The following FLT1 variants were observed in gnomAD, a reference collection of about 807,000 sequenced individuals.
The protein encoded by FLT1 is vascular endothelial growth factor receptor 1.
In FLT1, 49 loss-of-function variants were observed where a neutral mutation model predicts 156.3. The ratio of observed to expected loss-of-function variants is 0.31; its 90% confidence interval spans 0.25 to 0.40. The LOEUF (loss-of-function observed/expected upper bound fraction) is 0.40. FLT1 is among the 10% of genes least tolerant of loss of function. The pLI, the probability that FLT1 is intolerant of heterozygous loss-of-function variation, is 1.00. For synonymous variants in FLT1, 594 were observed against 583.8 expected, an observed-to-expected ratio of 1.02 and a Z score of -0.25; for missense variants, 1,322 against 1,637.2, an observed-to-expected ratio of 0.81 and a Z score of 3.32.
At chr13:28,418,263 C>T (rs760428579) in intron 10 of FLT1, among the ~76,000 whole-genome samples, 25 of 152,230 alleles carry the variant, frequency 1.6e-4, no homozygotes, top group Non-Finnish European at 3.1e-4. Context: ...ATCTGGGGCC[C>T]AAGACAGCTG....
At chr13:28,349,864 A>AT (rs1872687578) in intron 15 of FLT1, among the ~76,000 whole-genome samples, 1 of 152,238 alleles carries the variant, frequency 6.6e-6, no homozygotes, top group Non-Finnish European at 1.5e-5. Context: ...TCTATTTAAT[A>AT]TTAATAATGT....
intron 3 of FLT1, among the ~76,000 whole-genome samples, chr13:28,447,826 A>G (rs1009578864): frequency 6.6e-6 from 1 of 150,546 alleles, no homozygotes; most frequent in African/African-American, 2.4e-5. Context: ...TATATTATGT[A>G]TCTATATATT....
At chr13:28,458,084 G>A (rs921796295) in intron 3 of FLT1, among the ~76,000 whole-genome samples, 1 of 151,768 alleles carries the variant, frequency 6.6e-6, no homozygotes, top group South Asian at 2.1e-4. Context: ...ATACACATGC[G>A]CCATCACACC....
At chr13:28,419,588 A>T (rs1472793727) in intron 10 of FLT1, among the ~76,000 whole-genome samples, 2 of 152,174 alleles carry the variant, frequency 1.3e-5, no homozygotes, top group African/African-American at 4.8e-5. Flanking sequence ...CACTATAAAA[A>T]CCATCCAGCG....
intron 27 of FLT1, 130 bp downstream of exon 27, chr13:28,311,460 T>TTCTTTCTTTCTC: frequency 1.2e-6 from 1 of 838,142 alleles, no homozygotes; most frequent in Non-Finnish European, 1.8e-6. Context: ...TAATCTTTCT[T>TTCTTTCTTTCTC]TCTTTCTTTC....
chr13:28,431,188 A>G lies in FLT1; in HGVS notation c.936T>C (p.Arg312=), dbSNP rs1212510702. The G allele has an allele frequency of 6.2e-7, 1 of 1,613,894 alleles. No homozygotes were observed. The highest frequency in any genetic ancestry group is 8.5e-7 in the Non-Finnish European group (1 of 1,179,756). The stretch of plus-strand genomic sequence containing the variant: ...ATTTGAATGATGGTCCACTCCTTAC[A>G]CGACAAGTATAAAGTCCTTTGTCTT... ...QNKDKGLYTC[R]VRSGPSFKSV... is the part of the protein sequence containing the mutation. The change falls in exon 7 of 30, where the codon CGT becomes CGC. Residue 312 remains arginine (R), a synonymous_variant. Coordinates refer to ENST00000282397, the MANE Select transcript of FLT1 (RefSeq NM_002019.4).
chr13:28,477,169 CT>C (rs1880595620), intron 1 of FLT1, among the ~76,000 whole-genome samples: 1 of 152,282 alleles, frequency 6.6e-6, no homozygotes, highest in South Asian at 2.1e-4. Flanking sequence ...CCTCTCTGAG[CT>C]TTTTACTTGA....
At chr13:28,400,893 G>A (rs1486864571) in intron 11 of FLT1, among the ~76,000 whole-genome samples, 2 of 152,138 alleles carry the variant, frequency 1.3e-5, no homozygotes, top group Admixed American at 6.5e-5. Flanking sequence ...AAATGAAAGA[G>A]GACTGAGGAA....
At position 28,322,394 on chromosome 13, in the gene FLT1, G is replaced by T; in HGVS notation, c.2954-35C>A. 1.5e-6 allele frequency: 2 copies of T among 1,343,538 alleles called. No individual in the cohort carries two copies. The highest frequency in any genetic ancestry group is 1.2e-5 in the South Asian group (1 of 85,654). The allele number at this position is 1,343,538 out of a possible 1,614,324, so 83.2% of individuals were successfully genotyped here. A position where few individuals can be genotyped will look rare whatever the true frequency, so the allele number is the denominator to read the frequency against. ...ATTAGAACCGTAACTGTTTGTAATGGCTCTTGTTATCCCACCAAATCCCAG... is the reference window on the plus strand; with the variant it reads ...ATTAGAACCGTAACTGTTTGTAATGTCTCTTGTTATCCCACCAAATCCCAG... On this transcript the variant is annotated intron_variant, in intron 21 of 29. Transcript: ENST00000282397. This position sits in a 1 kb window ranked among gnomAD's most constrained non-coding sequence, Gnocchi z 4.3.
intron 17 of FLT1, 112 bp downstream of exon 17, chr13:28,339,056 C>T: frequency 2.1e-6 from 2 of 943,894 alleles, no homozygotes; most frequent in Non-Finnish European, 1.6e-6. Flanking sequence ...CTGTGAGCAG[C>T]TGGAGGGTAG....
intron 1 of FLT1, among the ~76,000 whole-genome samples, chr13:28,473,818 GAAAGA>G (rs1880376647): frequency 7.9e-6 from 1 of 126,246 alleles, no homozygotes; most frequent in Admixed American, 8.3e-5. Flanking sequence ...AAGAAAGAAA[GAAAGA>G]AAGAAAGAAA....
intron 24 of FLT1, among the ~76,000 whole-genome samples, chr13:28,317,967 G>GT (rs5802474): frequency 0.67 from 101,330 of 151,474 alleles, 36,276 homozygotes; most frequent in East Asian, 0.94. Context: ...GTGAGCTTTT[G>GT]TTTTTTTTGA....
chr13:28,372,065 TA>T (rs1873609680), intron 14 of FLT1, among the ~76,000 whole-genome samples: 17 of 25,594 alleles, frequency 6.6e-4, no homozygotes, highest in Non-Finnish European at 1.4e-3. Context: ...TATATATATA[TA>T]TATATATATA....
rs1391409913 is a variant in FLT1, at chr13:28,365,190, T to A, written c.2117-7505A>T. Among the ~76,000 whole-genome samples the A allele has an allele frequency of 2.0e-5, 3 of 152,344 alleles. 1 individual carries two copies. Among genetic ancestry groups the A allele is most frequent in the Admixed American group, 2.0e-4 (3 of 15,310 alleles). On this transcript the variant is annotated intron_variant, in intron 14 of 29. Transcript: ENST00000282397. ...TTTCTTTTATGTCATTTAATAGTTT[T>A]ATGATTTTCTCTTTAAATATCATGC...
chr13:28,474,932 A>G, intron 1 of FLT1, among the ~76,000 whole-genome samples: 1 of 152,222 alleles, frequency 6.6e-6, no homozygotes, highest in Non-Finnish European at 1.5e-5. Flanking sequence ...AGTTATGTTG[A>G]AGGCCTAGAA....
Position 28,340,907 on chromosome 13 carries a change from G to A in FLT1, c.2356-1607C>T, listed in dbSNP as rs550278993. Among the ~76,000 whole-genome samples, 4 of 152,300 alleles carry A rather than the reference G, an allele frequency of 2.6e-5. No homozygotes were observed. The South Asian group carries it at 8.3e-4, about 32-fold the overall frequency. Reference sequence around the variant, plus strand: ...CATTGGGTTAGACTATGAGGGCCCGGCCTGCCAGACACTCTGTGAAGAGTA... The same window carrying A: ...CATTGGGTTAGACTATGAGGGCCCGACCTGCCAGACACTCTGTGAAGAGTA... On this transcript the variant is annotated intron_variant, in intron 16 of 29. Coordinates refer to ENST00000282397, the MANE Select transcript of FLT1 (RefSeq NM_002019.4).
At chr13:28,341,497 AG>A (rs142569957) in intron 16 of FLT1, among the ~76,000 whole-genome samples, 1,562 of 152,302 alleles carry the variant, frequency 0.01, 28 homozygotes, top group African/African-American at 0.036. Context: ...CTTATCTCAT[AG>A]GGTTGTTGTG....
chr13:28,456,763 T>A (rs1566038114), intron 3 of FLT1, among the ~76,000 whole-genome samples: 1 of 149,810 alleles, frequency 6.7e-6, no homozygotes, highest in Non-Finnish European at 1.5e-5. Context: ...ACCACTGCCC[T>A]CCAGCCTGGG....
intron 10 of FLT1, among the ~76,000 whole-genome samples, chr13:28,407,316 G>A (rs965016799): frequency 4.6e-5 from 7 of 151,774 alleles, no homozygotes; most frequent in South Asian, 2.1e-4. Flanking sequence ...CCATATACCC[G>A]CCACCCAGAT....
Sources: allele counts gnomAD v4.1 joint callset (sites outside exome capture counted in the v4.1 genomes callset), GRCh38; gene constraint gnomAD v4.1.1; non-coding constraint Gnocchi (gnomAD v3.1); transcripts MANE v1.5; gene names NCBI Gene and HGNC (gene_info 2026-07-23, HGNC 2026-07-21).